The following SHISA9 variants were observed in gnomAD, a reference collection of about 807,000 sequenced individuals.
SHISA9 encodes the protein protein shisa-9.
Under a neutral mutation model 38.0 loss-of-function variants are expected in SHISA9, and 13 were observed. That is an observed-to-expected ratio of 0.34 (90% CI 0.22 to 0.54). The LOEUF is 0.54. Among genes scored for constraint, SHISA9 ranks in the 20% least tolerant of loss-of-function variants. SHISA9 has a pLI of 0.91. For synonymous variants in SHISA9, 275 were observed against 242.0 expected, an observed-to-expected ratio of 1.14 and a Z score of -1.27; for missense variants, 538 against 575.8, an observed-to-expected ratio of 0.93 and a Z score of 0.67.
the SHISA9 span, among the ~76,000 whole-genome samples, chr16:13,493,375 T>G: frequency 6.6e-6 from 1 of 152,148 alleles, no homozygotes; most frequent in African/African-American, 2.4e-5. Context: ...CACACCAAGA[T>G]GCAGGATTGC....
chr16:13,172,903 G>A (rs964199903), intron 2 of SHISA9, among the ~76,000 whole-genome samples: 3 of 151,974 alleles, frequency 2.0e-5, no homozygotes, highest in African/African-American at 7.3e-5. Context: ...CTGCCTAATA[G>A]CACATTTCAT....
chr16:13,029,844 T>A (rs8054134), intron 2 of SHISA9, among the ~76,000 whole-genome samples: 118,306 of 152,188 alleles, frequency 0.78, 46,466 homozygotes, highest in African/African-American at 0.89. Flanking sequence ...GACAACATAA[T>A]GTAGTAGAAA....
the SHISA9 span, among the ~76,000 whole-genome samples, chr16:13,479,221 C>G: frequency 6.6e-6 from 1 of 152,136 alleles, no homozygotes; most frequent in Non-Finnish European, 1.5e-5. Flanking sequence ...TTTTAAGGGC[C>G]CCTGTGATTA....
rs537925546 is a variant in SHISA9, at chr16:13,191,732, C to G, written c.692-11662C>G. Among the ~76,000 whole-genome samples, 5 of 152,258 alleles carry G rather than the reference C, an allele frequency of 3.3e-5. No individual in the cohort carries two copies. In the East Asian group the frequency reaches 9.7e-4, roughly 29 times the overall value. Reference sequence around the variant, plus strand: ...GTGCTGTCTGTGGAGAGAGAGATGGCTGAGGCCACATCATAGGGTATAGAA... The same window carrying G: ...GTGCTGTCTGTGGAGAGAGAGATGGGTGAGGCCACATCATAGGGTATAGAA... On this transcript the variant is annotated intron_variant, in intron 2 of 4. Transcript: ENST00000558583.
At chr16:13,358,596 C>A in the SHISA9 span, among the ~76,000 whole-genome samples, 4 of 152,230 alleles carry the variant, frequency 2.6e-5, no homozygotes, top group East Asian at 5.8e-4. Flanking sequence ...TCTTCAGGAC[C>A]CAAAAACCGT....
At chr16:13,134,225 G>T (rs1567223103) in intron 2 of SHISA9, among the ~76,000 whole-genome samples, 1 of 152,160 alleles carries the variant, frequency 6.6e-6, no homozygotes, top group Non-Finnish European at 1.5e-5. Context: ...TTTCTCACTT[G>T]TGAAATAGGG....
chr16:13,060,158 G>A (rs571121970), intron 2 of SHISA9, among the ~76,000 whole-genome samples: 4 of 152,244 alleles, frequency 2.6e-5, no homozygotes, highest in South Asian at 2.1e-4. Context: ...CCAAGGTGCC[G>A]GTTTCCTCTG....
chr16:13,178,895 A>G (rs1034380518), intron 2 of SHISA9, among the ~76,000 whole-genome samples: 2 of 152,126 alleles, frequency 1.3e-5, no homozygotes, highest in African/African-American at 2.4e-5. Flanking sequence ...TAGTAATAAT[A>G]TCCATAATTC....
At position 12,913,061 on chromosome 16, in the gene SHISA9, A is replaced by T. The variant is rs1379057779; in HGVS notation, c.564-3627A>T. 4.5e-5 allele frequency among the ~76,000 whole-genome samples: 6 copies of T among 134,796 alleles called. No homozygotes were observed. In the South Asian group the frequency reaches 6.3e-4, roughly 14 times the overall value. The allele number at this position is 134,796 out of a possible 152,430, so 88.4% of individuals were successfully genotyped here. On this transcript the variant is annotated intron_variant, in intron 1 of 4. Coordinates refer to ENST00000558583, the MANE Select transcript of SHISA9 (RefSeq NM_001145204.3). ...TCTCCCTCCTTTCTATTTGTAACTT[A>T]AAAAAAAAGTATACAGTTCAGTGGT... is the stretch of plus-strand genomic sequence containing the variant.
At chr16:13,245,607 CA>C in the SHISA9 span, among the ~76,000 whole-genome samples, 1 of 152,066 alleles carries the variant, frequency 6.6e-6, no homozygotes, top group African/African-American at 2.4e-5. Context: ...TATTTTTCGC[CA>C]CTCATAGAAG....
intron 2 of SHISA9, among the ~76,000 whole-genome samples, chr16:13,049,671 A>G (rs1224010502): frequency 2.0e-5 from 3 of 152,186 alleles, no homozygotes; most frequent in Non-Finnish European, 2.9e-5. Context: ...GGGGAAAATT[A>G]GACAAAGGAA....
the SHISA9 span, among the ~76,000 whole-genome samples, chr16:13,333,030 G>A: frequency 2.0e-5 from 3 of 152,180 alleles, no homozygotes. Context: ...CTCTCAGCAA[G>A]GGGTCCTCTG....
intron 2 of SHISA9, among the ~76,000 whole-genome samples, chr16:13,181,306 T>C (rs1659139): frequency 1.5e-4 from 6 of 39,132 alleles, no homozygotes; most frequent in East Asian, 8.2e-4. Context: ...TATATATATA[T>C]ATATATACAC....
chr16:13,413,757 C>CA, the SHISA9 span, among the ~76,000 whole-genome samples: 136 of 52,924 alleles, frequency 2.6e-3, 11 homozygotes, highest in South Asian at 0.017. Flanking sequence ...GACTTCATCT[C>CA]AAAAAAAAAA....
intron 2 of SHISA9, among the ~76,000 whole-genome samples, chr16:13,077,610 G>T (rs2073598374): frequency 6.6e-6 from 1 of 152,146 alleles, no homozygotes; most frequent in South Asian, 2.1e-4. Flanking sequence ...CATTTTCTCT[G>T]CCCAGGTGAG....
chr16:13,543,490 T>A, the SHISA9 span, among the ~76,000 whole-genome samples: 1 of 152,186 alleles, frequency 6.6e-6, no homozygotes, highest in Non-Finnish European at 1.5e-5. Flanking sequence ...AGTTAAACAA[T>A]CTGACCAAGA....
Position 13,075,582 on chromosome 16 carries a change from G to C in SHISA9, c.692-127812G>C, listed in dbSNP as rs117746939. 1.4e-3 allele frequency among the ~76,000 whole-genome samples: 212 copies of C among 152,236 alleles called. 4 individuals are homozygous for C. In the East Asian group the frequency reaches 0.035, roughly 25 times the overall value. On this transcript the variant is annotated intron_variant, in intron 2 of 4. Transcript: ENST00000558583. ...TCTCGTTCTGAAAACTCAACCTAAGGCTTTCTGGATTTGCTGAGCAGGAGC... is the reference window on the plus strand; with the variant it reads ...TCTCGTTCTGAAAACTCAACCTAAGCCTTTCTGGATTTGCTGAGCAGGAGC...
the SHISA9 span, among the ~76,000 whole-genome samples, chr16:13,473,349 CTTTTTTTTT>C: frequency 1.4e-5 from 1 of 73,904 alleles, no homozygotes; most frequent in Non-Finnish European, 2.6e-5. Flanking sequence ...TTCTTTCTTT[CTTTTTTTTT>C]TTTTTTTTTT....
chr16:13,041,119 C>A (rs1300500974), intron 2 of SHISA9, among the ~76,000 whole-genome samples: 1 of 152,192 alleles, frequency 6.6e-6, no homozygotes, highest in African/African-American at 2.4e-5. Context: ...AATGCATGAA[C>A]CTTCGCCTCC....
Sources: gnomAD v4.1 joint callset for allele counts (sites outside exome capture counted in the v4.1 genomes callset) on GRCh38, gnomAD v4.1.1 for gene constraint, MANE v1.5 for transcripts, NCBI Gene and HGNC (gene_info 2026-07-23, HGNC 2026-07-21) for gene names.